Variants in SLC45A4 observed in about 807,000 individuals in gnomAD.
SLC45A4 encodes solute carrier family 45 member 4.
In SLC45A4, 32 loss-of-function variants were observed where a neutral mutation model predicts 63.7. The ratio of observed to expected loss-of-function variants is 0.50; its 90% CI spans 0.38 to 0.67. The LOEUF is 0.67. SLC45A4 is among the 30% of genes least tolerant of loss of function. SLC45A4 has a pLI of 0.00. For synonymous variants in SLC45A4, 535 were observed against 510.0 expected, an observed-to-expected ratio of 1.05 and a Z score of -0.66; for missense variants, 1,027 against 1,157.7, an observed-to-expected ratio of 0.89 and a Z score of 1.64.
intron 1 of SLC45A4, among the ~76,000 whole-genome samples, chr8:141,280,936 A>C (rs551975045): frequency 1.3e-5 from 2 of 152,324 alleles, no homozygotes; most frequent in East Asian, 3.9e-4. Flanking sequence ...TGCGTCCTAC[A>C]CCAGGCTGCC....
rs186782345 is a variant in SLC45A4, at chr8:141,210,354, G to A, written c.*1218C>T. On this transcript the variant is annotated 3_prime_UTR_variant, in exon 9 of 9. Transcript: ENST00000517878. Reference sequence around the variant, plus strand: ...AAAGCTGGCAGCACTTTCAGTAGTCGGACTTGCCCTGTCCAAGCACGAGAT... The same window carrying A: ...AAAGCTGGCAGCACTTTCAGTAGTCAGACTTGCCCTGTCCAAGCACGAGAT... 23 of 152,378 alleles carry A rather than the reference G, an allele frequency of 1.5e-4. No homozygotes were observed. The highest frequency in any genetic ancestry group is 5.0e-4 in the African/African-American group (21 of 41,594). 9.4% of individuals were successfully genotyped at this position (152,378 alleles called of 1,614,324 possible).
At chr8:141,281,212 G>A (rs1305311090) in intron 1 of SLC45A4, among the ~76,000 whole-genome samples, 1 of 152,170 alleles carries the variant, frequency 6.6e-6, no homozygotes, top group African/African-American at 2.4e-5. Context: ...GGTGGCAGGC[G>A]CCTGTAATCC....
In SLC45A4 at chr8:141,253,163, C is replaced by T. The variant is rs1828596962; in HGVS notation, c.241+826G>A. On this transcript the variant is annotated intron_variant, in intron 2 of 8. Coordinates refer to ENST00000517878, the MANE Select transcript of SLC45A4 (RefSeq NM_001286646.2). ...CGCCCACCTGCAAGTCTATGAATTT[C>T]CGTGTTTTCATGCCCACCTGCGGGT... 3 of 112,898 alleles carry T rather than the reference C, an allele frequency of 2.7e-5. 1 individual carries two copies. The Admixed American group carries it at 2.9e-4, about 11-fold the overall frequency. 7.0% of individuals were successfully genotyped at this position (112,898 alleles called of 1,614,324 possible).
chr8:141,286,979 T>C (rs939012633), intron 1 of SLC45A4, among the ~76,000 whole-genome samples: 2 of 152,122 alleles, frequency 1.3e-5, no homozygotes, highest in Non-Finnish European at 2.9e-5. Flanking sequence ...CAAGTTAGTA[T>C]TTTTATCACC....
intron 2 of SLC45A4, chr8:141,224,471 A>G (rs940523586): frequency 6.6e-6 from 1 of 152,118 alleles, no homozygotes; most frequent in African/African-American, 2.4e-5. Flanking sequence ...TTGTTTTTGG[A>G]GACAGGGTCT....
rs1256947173 is a variant in SLC45A4, at chr8:141,256,443, G to A, written c.-400-1814C>T. On this transcript the variant is annotated intron_variant, in intron 1 of 8. Coordinates refer to ENST00000517878, the MANE Select transcript of SLC45A4 (RefSeq NM_001286646.2). This position sits in a 1 kb window ranked among gnomAD's most constrained non-coding sequence, Gnocchi z 4.3. ...GCTCCTCCTCTCTTTCTCCCCAGAG[G>A]AGACCAGAAACCTCGAGGTGCTGTC... The A allele has an allele frequency of 7.1e-6, 3 of 424,928 alleles. No homozygotes were observed. Among genetic ancestry groups the A allele is most frequent in the African/African-American group, 6.1e-5 (3 of 48,826 alleles). 26.3% of individuals were successfully genotyped at this position (424,928 alleles called of 1,614,324 possible). A position where few individuals can be genotyped will look rare whatever the true frequency, so the allele number is the denominator to read the frequency against.
chr8:141,307,723 G>C (rs1406184111), intron 1 of SLC45A4, among the ~76,000 whole-genome samples: 1 of 148,974 alleles, frequency 6.7e-6, no homozygotes, highest in Admixed American at 6.8e-5. Context: ...TCTCTGGGTA[G>C]AGAAACCGAG....
At chr8:141,301,355 T>C (rs1053741566) in intron 1 of SLC45A4, among the ~76,000 whole-genome samples, 1 of 152,152 alleles carries the variant, frequency 6.6e-6, no homozygotes, top group Admixed American at 6.5e-5. Context: ...ATAATTACAA[T>C]GACATAAAAC....
intron 1 of SLC45A4, among the ~76,000 whole-genome samples, chr8:141,280,150 G>A (rs1319846927): frequency 6.6e-6 from 1 of 152,176 alleles, no homozygotes; most frequent in African/African-American, 2.4e-5. Context: ...AGCCCCCTGC[G>A]AGCTGAGCAG....
At chr8:141,283,239 G>A (rs1023749749) in intron 1 of SLC45A4, among the ~76,000 whole-genome samples, 3 of 152,206 alleles carry the variant, frequency 2.0e-5, no homozygotes, top group Non-Finnish European at 2.9e-5. Context: ...GGGAGCCCAG[G>A]CTACGACACC....
chr8:141,234,058 A>G (rs1178433396), intron 2 of SLC45A4, among the ~76,000 whole-genome samples: 2 of 152,234 alleles, frequency 1.3e-5, no homozygotes, highest in Non-Finnish European at 2.9e-5. Context: ...CATCCTGAAC[A>G]GCTCACTGTT....
Position 141,212,331 on chromosome 8 carries a change from C to T in SLC45A4, c.2167G>A (p.Ala723Thr). The T allele has an allele frequency of 6.2e-7, 1 of 1,612,860 alleles. No homozygotes were observed. The highest frequency in any genetic ancestry group is 8.5e-7 in the Non-Finnish European group (1 of 1,179,456). ...LVIYPNVSEE[A>T]KEEQKGLSSP... ...GACAGGCCTTTCTGCTCCTCCTTGG[C>T]CTCCTCTGACACGTTGGGATAGATC... The change falls in exon 8 of 9, where the codon GCC becomes ACC. Residue 723 changes from alanine to threonine, a missense_variant. Transcript: ENST00000517878.
chr8:141,275,937 G>T (rs1829713235), intron 1 of SLC45A4, among the ~76,000 whole-genome samples: 2 of 150,932 alleles, frequency 1.3e-5, no homozygotes, highest in Admixed American at 1.3e-4. Context: ...TTTTGAGATG[G>T]GGTCTTACTG....
At chr8:141,285,019 A>G in intron 1 of SLC45A4, among the ~76,000 whole-genome samples, 1 of 152,222 alleles carries the variant, frequency 6.6e-6, no homozygotes, top group East Asian at 1.9e-4. Flanking sequence ...AGTAGCCAGC[A>G]GAGGCCTGAG....
intron 1 of SLC45A4, among the ~76,000 whole-genome samples, chr8:141,280,136 A>G (rs549965623): frequency 2.0e-5 from 3 of 152,282 alleles, no homozygotes; most frequent in African/African-American, 4.8e-5. Flanking sequence ...CACACTCCAC[A>G]TGCAGCCCCC....
At chr8:141,297,476 C>G (rs1451132549) in intron 1 of SLC45A4, among the ~76,000 whole-genome samples, 1 of 152,266 alleles carries the variant, frequency 6.6e-6, no homozygotes, top group Non-Finnish European at 1.5e-5. Flanking sequence ...CCTATCATCA[C>G]CAGGCAGAAA....
At chr8:141,305,168 C>G (rs1228366376) in intron 1 of SLC45A4, among the ~76,000 whole-genome samples, 1 of 152,194 alleles carries the variant, frequency 6.6e-6, no homozygotes, top group Non-Finnish European at 1.5e-5. Flanking sequence ...GAAAGTTTCA[C>G]ATTTAAAAAG....
chr8:141,246,572 C>T (rs555163282), intron 2 of SLC45A4, among the ~76,000 whole-genome samples: 1 of 152,404 alleles, frequency 6.6e-6, no homozygotes, highest in East Asian at 1.9e-4. Context: ...CCCCTCGATG[C>T]TGCCATATTC....
intron 1 of SLC45A4, among the ~76,000 whole-genome samples, chr8:141,257,625 A>T (rs903790838): frequency 6.6e-6 from 1 of 152,240 alleles, no homozygotes; most frequent in South Asian, 2.1e-4. Flanking sequence ...AAATGTCTGT[A>T]ATAAGTAATA....
Sources: gnomAD v4.1 joint callset for allele counts (sites outside exome capture counted in the v4.1 genomes callset) on GRCh38, gnomAD v4.1.1 for gene constraint, Gnocchi (gnomAD v3.1) non-coding constraint, MANE v1.5 for transcripts, NCBI Gene and HGNC (gene_info 2026-07-23, HGNC 2026-07-21) for gene names.